Variants in PDE10A observed in about 807,000 individuals in gnomAD.
PDE10A encodes cAMP and cAMP-inhibited cGMP 3',5'-cyclic phosphodiesterase 10A.
In PDE10A, 39 loss-of-function variants were observed where a neutral mutation model predicts 97.7. The observed-to-expected ratio is 0.40, with a 90% CI of 0.31 to 0.52. The LOEUF is 0.52. Among genes scored for constraint, PDE10A ranks in the 20% least tolerant of loss-of-function variants. The probability of loss-of-function intolerance (pLI) is 0.56; values close to 1 mark genes in which losing one functional copy is unlikely to be tolerated. For synonymous variants in PDE10A, 371 were observed against 376.8 expected, an observed-to-expected ratio of 0.98 and a Z score of 0.18; for missense variants, 731 against 1,047.8, an observed-to-expected ratio of 0.70 and a Z score of 4.17.
chr6:165,873,127 C>T (rs1036533864), intron 1 of PDE10A, among the ~76,000 whole-genome samples: 2 of 152,192 alleles, frequency 1.3e-5, no homozygotes, highest in African/African-American at 4.8e-5. Flanking sequence ...GGGGGAGCAG[C>T]CAGATCCCCC....
intron 1 of PDE10A, among the ~76,000 whole-genome samples, chr6:165,845,665 T>C (rs577825232): frequency 1.3e-5 from 2 of 152,320 alleles, no homozygotes; most frequent in South Asian, 4.1e-4. Context: ...TGTGGGACAT[T>C]ATTTATGTGC....
chr6:165,694,060 C>T (rs1034251729), intron 1 of PDE10A, among the ~76,000 whole-genome samples: 2 of 152,192 alleles, frequency 1.3e-5, no homozygotes, highest in Non-Finnish European at 2.9e-5. Flanking sequence ...CCACTCAACA[C>T]TTATGTGCAA....
rs753556032 is a variant in PDE10A at position 165,942,290 on chromosome 6, GTATATA to G, written c.-615+45233_-615+45238del. On this transcript the variant is annotated intron_variant, in intron 1 of 19. Coordinates refer to the PDE10A transcript ENST00000366882. ...ATTTTATATATGTATGTATGTGTGT[GTATATA>G]TATATATACACACACATATATGCGC... is the stretch of plus-strand genomic sequence containing the variant. Among the ~76,000 whole-genome samples, 4 of 107,310 alleles carry G rather than the reference GTATATA, an allele frequency of 3.7e-5. No homozygotes were observed. The East Asian group carries it at 7.2e-4, about 19-fold the overall frequency. 70.4% of individuals were successfully genotyped at this position (107,310 alleles called of 152,430 possible). A position where few individuals can be genotyped will look rare whatever the true frequency, so the allele number is the denominator to read the frequency against.
chr6:165,605,285 C>T (rs983205219), intron 1 of PDE10A, among the ~76,000 whole-genome samples: 1 of 152,156 alleles, frequency 6.6e-6, no homozygotes, highest in African/African-American at 2.4e-5. Context: ...ACAAAAAAAA[C>T]CAACAAGTCA....
At position 165,593,145 on chromosome 6, in the gene PDE10A, G is replaced by T. The variant is rs528605748; in HGVS notation, c.866-49577C>A. On this transcript the variant is annotated intron_variant, in intron 1 of 21. Transcript: ENST00000539869. The stretch of plus-strand genomic sequence containing the variant: ...TAAAAAAGGGTGAGTTCATGTCCTT[G>T]GCAGGGACATGGATGAAACTGGAAA... Among the ~76,000 whole-genome samples, 4 of 152,228 alleles carry T rather than the reference G, an allele frequency of 2.6e-5. No individual in the cohort carries two copies. The East Asian group carries it at 7.7e-4, about 29-fold the overall frequency.
intron 1 of PDE10A, among the ~76,000 whole-genome samples, chr6:165,701,673 TTG>T (rs34622069): frequency 1.3e-5 from 2 of 148,838 alleles, no homozygotes; most frequent in South Asian, 4.3e-4. Flanking sequence ...GCATGTATGT[TTG>T]TGTGTGTGCA....
intron 1 of PDE10A, among the ~76,000 whole-genome samples, chr6:165,716,727 G>C (rs1172504589): frequency 6.6e-6 from 1 of 152,226 alleles, no homozygotes; most frequent in Admixed American, 6.5e-5. Flanking sequence ...AAAAGCAAGG[G>C]AGAGGAGGAA....
At chr6:165,519,531 T>A (rs886681199) in intron 2 of PDE10A, among the ~76,000 whole-genome samples, 7 of 151,918 alleles carry the variant, frequency 4.6e-5, no homozygotes, top group Non-Finnish European at 1.0e-4. Flanking sequence ...GAAGTCCTCC[T>A]GTGTACTGTC....
chr6:165,750,957 A>G (rs938478067), intron 1 of PDE10A, among the ~76,000 whole-genome samples: 1 of 152,170 alleles, frequency 6.6e-6, no homozygotes, highest in Non-Finnish European at 1.5e-5. Context: ...ACCCACCTTC[A>G]GGTGTAACAG....
intron 1 of PDE10A, among the ~76,000 whole-genome samples, chr6:165,679,700 C>T (rs1406220699): frequency 2.6e-5 from 4 of 152,200 alleles, no homozygotes; most frequent in East Asian, 3.9e-4. Flanking sequence ...CCTACAGAAA[C>T]GGTTCAAGCC....
chr6:165,773,343 G>A (rs1329752036), intron 1 of PDE10A: 2 of 152,110 alleles, frequency 1.3e-5, no homozygotes, highest in Admixed American at 6.5e-5. Flanking sequence ...GAAAGGGCTT[G>A]TTTTGTATTC....
At chr6:165,958,747 G>GAAGAAAGAA (rs10654760) in intron 1 of PDE10A, among the ~76,000 whole-genome samples, 2 of 106,134 alleles carry the variant, frequency 1.9e-5, no homozygotes, top group African/African-American at 6.9e-5. Context: ...AAGAAAGAAA[G>GAAGAAAGAA]AGAAAGAAAG....
intron 1 of PDE10A, among the ~76,000 whole-genome samples, chr6:165,929,048 G>T (rs1783037829): frequency 6.6e-6 from 1 of 152,132 alleles, no homozygotes; most frequent in Admixed American, 6.5e-5. Context: ...TGGAGCTTCT[G>T]ACTCCTCGTC....
chr6:165,911,252 A>G (rs1782445244), intron 1 of PDE10A, among the ~76,000 whole-genome samples: 1 of 152,244 alleles, frequency 6.6e-6, no homozygotes, highest in Admixed American at 6.5e-5. Flanking sequence ...AATGCTTTGT[A>G]TTAATACTAG....
At chr6:165,966,536 G>T (rs372237850) in intron 1 of PDE10A, among the ~76,000 whole-genome samples, 1 of 152,188 alleles carries the variant, frequency 6.6e-6, no homozygotes, top group Non-Finnish European at 1.5e-5. Flanking sequence ...AAAACAACTG[G>T]GTGGGAAGCC....
intron 2 of PDE10A, among the ~76,000 whole-genome samples, chr6:165,532,881 G>A (rs1782866769): frequency 6.6e-6 from 1 of 152,100 alleles, no homozygotes; most frequent in Admixed American, 6.5e-5. Context: ...ACACACCGGA[G>A]TCACTGCTCT....
chr6:165,980,143 A>G (rs1440717113), intron 1 of PDE10A, among the ~76,000 whole-genome samples: 2 of 152,240 alleles, frequency 1.3e-5, no homozygotes, highest in Non-Finnish European at 2.9e-5. Context: ...TCTACATTTC[A>G]AATACTCTAT....
intron 20 of PDE10A, among the ~76,000 whole-genome samples, chr6:165,338,786 G>A (rs1229266134): frequency 6.6e-6 from 1 of 152,170 alleles, no homozygotes; most frequent in Non-Finnish European, 1.5e-5. Context: ...AGGAGTCGTG[G>A]CCAAGGTAGT....
chr6:165,637,830 G>A (rs1376177798), intron 1 of PDE10A, among the ~76,000 whole-genome samples: 1 of 152,104 alleles, frequency 6.6e-6, no homozygotes, highest in Non-Finnish European at 1.5e-5. Flanking sequence ...TTACAATAAG[G>A]GCAGAACGCC....
Sources: gnomAD v4.1 joint callset for allele counts (sites outside exome capture counted in the v4.1 genomes callset) on GRCh38, gnomAD v4.1.1 for gene constraint, MANE v1.5 for transcripts, NCBI Gene and HGNC (gene_info 2026-07-23, HGNC 2026-07-21) for gene names.